Variants in CPSF2 observed in about 807,000 individuals in gnomAD.
CPSF2 encodes the protein cleavage and polyadenylation specific factor 2.
CPSF2 carries 51 observed loss-of-function variants against 84.2 expected under a neutral mutation model. The observed-to-expected ratio is 0.61, with a 90% confidence interval of 0.48 to 0.77. CPSF2 has a LOEUF of 0.77. CPSF2 is among the 30% of genes least tolerant of loss of function. The pLI is 0.00. For missense variants in CPSF2, 641 were observed against 929.4 expected (o/e 0.69, Z 4.03); for synonymous variants, 286 against 311.9 (o/e 0.92, Z 0.87).
chr14:92,129,478 T>C (rs963256984), intron 2 of CPSF2, among the ~76,000 whole-genome samples: 3 of 152,146 alleles, frequency 2.0e-5, no homozygotes, highest in Non-Finnish European at 2.9e-5. Context: ...TTATGAAAGG[T>C]GGATATTCAG....
intron 1 of CPSF2, 137 bp downstream of exon 1, chr14:92,122,265 C>T (rs1016152552): frequency 4.0e-4 from 105 of 262,678 alleles, no homozygotes; most frequent in African/African-American, 2.1e-3. Flanking sequence ...GCGACTGTCC[C>T]GGTCGTTCCC....
rs768328034 is a variant in CPSF2, at chr14:92,134,120, A to C, written c.259A>C (p.Thr87Pro). 1.9e-6 allele frequency: 3 copies of C among 1,614,038 alleles called. No homozygotes were observed. Among genetic ancestry groups the C allele is most frequent in the African/African-American group, 2.7e-5 (2 of 74,918 alleles). Residue 87 changes from threonine (T) to proline (P), a missense_variant, in exon 4 of 16, where the codon ACC becomes CCC. Thr to Pro is a conservative substitution (Grantham distance 38). Coordinates refer to ENST00000298875, the MANE Select transcript of CPSF2 (RefSeq NM_017437.3). The stretch of plus-strand genomic sequence containing the variant: ...GGGTCTGAACTGTGCTATCTATGCA[A>C]CCATTCCTGTTTATAAAATGGGACA... ...KLGLNCAIYA[T>P]IPVYKMGQMF...
rs949544767 is a variant in CPSF2 at position 92,156,421 on chromosome 14, T to C, written c.1443-58T>C. The C allele has an allele frequency of 9.9e-6, 14 of 1,416,452 alleles. No individual in the cohort carries two copies. The African/African-American group carries it at 1.7e-4, about 17-fold the overall frequency. 87.7% of individuals were successfully genotyped at this position (1,416,452 alleles called of 1,614,324 possible). ...AAAATTATGCCACCTACTAGTCATATATGTTATGTAGTATTAGCTTGCTTT... is the reference window on the plus strand; with the variant it reads ...AAAATTATGCCACCTACTAGTCATACATGTTATGTAGTATTAGCTTGCTTT... On this transcript the variant is annotated intron_variant, in intron 11 of 15. Transcript: ENST00000298875.
intron 9 of CPSF2, among the ~76,000 whole-genome samples, chr14:92,151,155 G>C (rs961325714): frequency 2.0e-5 from 3 of 152,164 alleles, no homozygotes; most frequent in African/African-American, 4.8e-5. Flanking sequence ...ACTTTGGGAG[G>C]CAGAGGCAGG....
intron 7 of CPSF2, among the ~76,000 whole-genome samples, chr14:92,139,083 T>C (rs564089363): frequency 6.6e-6 from 1 of 152,258 alleles, no homozygotes; most frequent in East Asian, 1.9e-4. Context: ...TATGTCTGTA[T>C]GTAAAGACCT....
At chr14:92,152,543 A>G (rs1362691878) in intron 9 of CPSF2, among the ~76,000 whole-genome samples, 2 of 151,876 alleles carry the variant, frequency 1.3e-5, no homozygotes, top group Non-Finnish European at 2.9e-5. Context: ...GGTTCCAGCG[A>G]TTCTCCTGCC....
In CPSF2 at chr14:92,163,547, A is replaced by G. The variant is rs148004357; in HGVS notation, c.*1803A>G. ...TTAAAGCATCTGGTTTGCATATTGT[A>G]TTGTAATACTGATACAGTTTGGCTG... On this transcript the variant is annotated 3_prime_UTR_variant, in exon 16 of 16. Coordinates refer to ENST00000298875, the MANE Select transcript of CPSF2 (RefSeq NM_017437.3). 4.6e-5 allele frequency: 7 copies of G among 152,716 alleles called. No individual in the cohort carries two copies. Among genetic ancestry groups the G allele is most frequent in the African/African-American group, 1.7e-4 (7 of 41,554 alleles). 9.5% of individuals were successfully genotyped at this position (152,716 alleles called of 1,614,324 possible). A position where few individuals can be genotyped will look rare whatever the true frequency, so the allele number is the denominator to read the frequency against.
chr14:92,134,563 G>A (rs138558966), intron 5 of CPSF2, among the ~76,000 whole-genome samples: 1,539 of 152,248 alleles, frequency 0.01, 13 homozygotes, highest in Non-Finnish European at 0.016. Flanking sequence ...AATAGCTCAG[G>A]CCTTTTCATA....
chr14:92,147,428 GAAA>G (rs1188644286), intron 9 of CPSF2, among the ~76,000 whole-genome samples: 3 of 152,118 alleles, frequency 2.0e-5, no homozygotes, highest in African/African-American at 7.2e-5. Flanking sequence ...GGAGTAGGAA[GAAA>G]AATATTTTTG....
chr14:92,143,437 T>A, intron 9 of CPSF2, 143 bp downstream of exon 9: 1 of 675,208 alleles, frequency 1.5e-6, no homozygotes, highest in East Asian at 2.8e-5. Context: ...GGAGTGGTGG[T>A]GTGTGCTGTA....
intron 9 of CPSF2, among the ~76,000 whole-genome samples, chr14:92,149,573 G>A (rs551581013): frequency 4.6e-5 from 7 of 152,112 alleles, no homozygotes; most frequent in Admixed American, 2.0e-4. Flanking sequence ...GCAGCATAGC[G>A]AGACCCTGTC....
chr14:92,135,783 A>G (rs2068990832), intron 6 of CPSF2, among the ~76,000 whole-genome samples: 1 of 152,318 alleles, frequency 6.6e-6, no homozygotes, highest in South Asian at 2.1e-4. Flanking sequence ...ATCAAATTAC[A>G]TGTTCTTGAC....
chr14:92,148,057 A>G (rs1174469340), intron 9 of CPSF2, among the ~76,000 whole-genome samples: 2 of 152,202 alleles, frequency 1.3e-5, no homozygotes, highest in East Asian at 3.8e-4. Context: ...TATTTTATAC[A>G]TGAAAATAAT....
At chr14:92,140,895 C>G (rs1292312067) in intron 7 of CPSF2, among the ~76,000 whole-genome samples, 1 of 152,050 alleles carries the variant, frequency 6.6e-6, no homozygotes. Flanking sequence ...GCCTGGGTGA[C>G]AGAGCGAGAC....
rs1421236667 is a variant in CPSF2 at position 92,165,507 on chromosome 14, T to A, written c.*3763T>A. ...GAAGTGTCTCACTGAGGTTTTGATT[T>A]GCATTTCCTTAATGACTGATGATGT... On this transcript the variant is annotated 3_prime_UTR_variant, in exon 16 of 16. Transcript: ENST00000298875. 1.3e-5 allele frequency: 2 copies of A among 152,208 alleles called. No homozygotes were observed. Among genetic ancestry groups the A allele is most frequent in the Non-Finnish European group, 2.9e-5 (2 of 68,040 alleles). The allele number at this position is 152,208 out of a possible 1,614,324, so 9.4% of individuals were successfully genotyped here. A position where few individuals can be genotyped will look rare whatever the true frequency, so the allele number is the denominator to read the frequency against.
intron 1 of CPSF2, among the ~76,000 whole-genome samples, chr14:92,123,644 C>T (rs2068808535): frequency 6.6e-6 from 1 of 152,202 alleles, no homozygotes; most frequent in Admixed American, 6.5e-5. Context: ...AGTGATCTGC[C>T]CTCCTCGGCC....
intron 2 of CPSF2, 37 bp from the exon 3 acceptor site, chr14:92,130,914 C>A: frequency 7.5e-7 from 1 of 1,327,122 alleles, no homozygotes; most frequent in Non-Finnish European, 1.1e-6. Context: ...CCAGACTGTG[C>A]TTTTATGTTT....
chr14:92,146,025 C>G (rs2069138692), intron 9 of CPSF2, among the ~76,000 whole-genome samples: 1 of 152,164 alleles, frequency 6.6e-6, no homozygotes, highest in African/African-American at 2.4e-5. Flanking sequence ...CAGCACTTCC[C>G]ACATATTCAA....
At chr14:92,127,323 CAG>C (rs775046936) in intron 2 of CPSF2, among the ~76,000 whole-genome samples, 4 of 152,014 alleles carry the variant, frequency 2.6e-5, no homozygotes, top group Non-Finnish European at 4.4e-5. Flanking sequence ...AAATTAGAGA[CAG>C]GGAAAATATA....
Sources: allele counts gnomAD v4.1 joint callset (sites outside exome capture counted in the v4.1 genomes callset), GRCh38; gene constraint gnomAD v4.1.1; transcripts MANE v1.5; gene names NCBI Gene and HGNC (gene_info 2026-07-23, HGNC 2026-07-21).